The following ARID1B variants were observed in gnomAD, a reference collection of about 807,000 sequenced individuals.
ARID1B encodes AT-rich interaction domain 1B, also known as AT-rich interactive domain-containing protein 1B.
Under a neutral mutation model 212.3 loss-of-function variants are expected in ARID1B, and 30 were observed. The ratio of observed to expected loss-of-function variants is 0.14; its 90% confidence interval spans 0.11 to 0.19. The LOEUF (loss-of-function observed/expected upper bound fraction) is 0.19. ARID1B is among the 10% of genes least tolerant of loss of function. The pLI is 1.00. For synonymous variants in ARID1B, 1,402 were observed against 1,301.7 expected, an observed-to-expected ratio of 1.08 and a Z score of -1.66; for missense variants, 2,891 against 3,204.0, an observed-to-expected ratio of 0.90 and a Z score of 2.36.
At chr6:157,186,009 A>T (rs945321441) in intron 13 of ARID1B, 1 of 153,474 alleles carries the variant, frequency 6.5e-6, no homozygotes, top group Non-Finnish European at 1.5e-5. Context: ...GCCTGTGAAC[A>T]GCTCTGAAAC....
intron 6 of ARID1B, among the ~76,000 whole-genome samples, chr6:157,117,125 A>G (rs1262025349): frequency 6.6e-6 from 1 of 152,190 alleles, no homozygotes; most frequent in Non-Finnish European, 1.5e-5. Flanking sequence ...AGACAGTGCC[A>G]TTACCCAGCA....
chr6:156,925,259 G>A (rs1053598345), intron 3 of ARID1B, among the ~76,000 whole-genome samples: 3 of 152,302 alleles, frequency 2.0e-5, no homozygotes, highest in East Asian at 1.9e-4. Flanking sequence ...AATTGCAGGC[G>A]TTTTGCAGTG....
At chr6:156,897,348 A>C in intron 2 of ARID1B, among the ~76,000 whole-genome samples, 1 of 150,434 alleles carries the variant, frequency 6.6e-6, no homozygotes, top group African/African-American at 2.4e-5. Context: ...ATCTCAGCTC[A>C]CTGTAACCTC....
intron 2 of ARID1B, among the ~76,000 whole-genome samples, chr6:156,844,170 T>G (rs1784081698): frequency 6.6e-6 from 1 of 152,240 alleles, no homozygotes; most frequent in African/African-American, 2.4e-5. Context: ...CCTTTCATCT[T>G]TGTTCTGCTT....
chr6:157,160,967 G>C (rs780762744), intron 8 of ARID1B, among the ~76,000 whole-genome samples: 2 of 152,136 alleles, frequency 1.3e-5, no homozygotes, highest in Non-Finnish European at 2.9e-5. Flanking sequence ...CTTCGCACTC[G>C]CTGCCCTGGT....
intron 2 of ARID1B, among the ~76,000 whole-genome samples, chr6:156,853,056 C>T (rs1467019222): frequency 1.8e-4 from 28 of 152,104 alleles, no homozygotes; most frequent in Non-Finnish European, 1.0e-4. Flanking sequence ...ATACAGTGAT[C>T]GGTTTGACTG....
chr6:157,039,686 CTTCCTTCCTTCT>C (rs1307210293), intron 4 of ARID1B, among the ~76,000 whole-genome samples: 12 of 68,768 alleles, frequency 1.7e-4, no homozygotes, highest in Middle Eastern at 0.017. Context: ...TCCTTCCTTC[CTTCCTTCCTTCT>C]TTCTTTCCTT....
At position 156,779,059 on chromosome 6, in the gene ARID1B, G is replaced by T. The variant is rs1274183370; in HGVS notation, c.1379G>T (p.Gly460Val). ...VLSSPRQQGG[G>V]MMMGPGGGGA... ...AGCTCCCCCCGGCAGCAGGGCGGCG[G>T]CATGATGATGGGCCCCGGGGGCGGC... The change falls in exon 1 of 20, where the codon GGC (glycine) becomes GTC (valine). Residue 460 changes from glycine to valine, a missense_variant. Transcript: ENST00000636930. 6.4e-5 allele frequency: 78 copies of T among 1,224,466 alleles called. No homozygotes were observed. Among genetic ancestry groups the T allele is most frequent in the Non-Finnish European group, 7.5e-5 (74 of 986,138 alleles). The allele number at this position is 1,224,466 out of a possible 1,614,324, so 75.9% of individuals were successfully genotyped here. A position where few individuals can be genotyped will look rare whatever the true frequency, so the allele number is the denominator to read the frequency against.
intron 4 of ARID1B, among the ~76,000 whole-genome samples, chr6:157,044,387 T>C (rs1782084968): frequency 6.6e-6 from 1 of 152,234 alleles, no homozygotes; most frequent in South Asian, 2.1e-4. Flanking sequence ...ATTATGAAAG[T>C]ATCTGTATTT....
In ARID1B at chr6:157,174,998, C is replaced by A; in HGVS notation, c.3497C>A (p.Ser1166Ter). ...AGCCCAGGCTGGCCAAAGACTCCAT[C>A]AAGCCCTGTAAGTGGCTCTGGTTTT... ...ISSPGWPKTP[S>*]SPKSSSSTTT... The change falls in exon 11 of 20, where the codon TCA becomes TAA. Residue 1166 changes from serine to a stop codon, truncating the protein, a stop_gained. Transcript: ENST00000636930. LOFTEE classifies it high-confidence loss of function. 7.0e-7 allele frequency: 1 copy of A among 1,426,110 alleles called. No individual in the cohort carries two copies. Among genetic ancestry groups the A allele is most frequent in the Non-Finnish European group, 9.2e-7 (1 of 1,085,546 alleles). 88.3% of individuals were successfully genotyped at this position (1,426,110 alleles called of 1,614,324 possible).
At chr6:156,869,799 T>C (rs1785979126) in intron 2 of ARID1B, among the ~76,000 whole-genome samples, 1 of 152,210 alleles carries the variant, frequency 6.6e-6, no homozygotes, top group East Asian at 1.9e-4. Context: ...AGAGTGAGCA[T>C]TCCTGTAGGG....
intron 1 of ARID1B, among the ~76,000 whole-genome samples, chr6:156,795,704 G>A (rs1462681310): frequency 6.6e-6 from 1 of 152,034 alleles, no homozygotes; most frequent in Non-Finnish European, 1.5e-5. Context: ...CCCTCCCCAG[G>A]CTGCCCAGGC....
chr6:156,823,705 T>TTTTTTG (rs1554256001), intron 1 of ARID1B, among the ~76,000 whole-genome samples: 2 of 150,240 alleles, frequency 1.3e-5, no homozygotes, highest in African/African-American at 4.9e-5. Flanking sequence ...TTTTTTTTTT[T>TTTTTTG]GTGAAGTGTT....
At chr6:156,909,866 G>A (rs770898193) in intron 3 of ARID1B, among the ~76,000 whole-genome samples, 15 of 152,194 alleles carry the variant, frequency 9.9e-5, no homozygotes, top group African/African-American at 2.2e-4. Context: ...CCTTTTGAGC[G>A]AAGAGCCTCT....
In ARID1B at chr6:156,816,264, A is replaced by G. The variant is rs138444805; in HGVS notation, c.1792-12963A>G. Among the ~76,000 whole-genome samples, 3 of 152,364 alleles carry G rather than the reference A, an allele frequency of 2.0e-5. No homozygotes were observed. The East Asian group carries it at 5.8e-4, about 29-fold the overall frequency. On this transcript the variant is annotated intron_variant, in intron 1 of 19. Transcript: ENST00000636930. ...AAATGCCTGTTATAAGTCAGACAGC[A>G]TATCGATTTTCATAATTTTATTACT...
chr6:157,132,009 A>G (rs1443912959), intron 6 of ARID1B, among the ~76,000 whole-genome samples: 2 of 152,106 alleles, frequency 1.3e-5, no homozygotes, highest in Non-Finnish European at 1.5e-5. Flanking sequence ...AGTTTTATGC[A>G]GGGGAGAGAT....
At chr6:157,140,541 C>T (rs1789272184) in intron 7 of ARID1B, 3 of 398,292 alleles carry the variant, frequency 7.5e-6, no homozygotes, top group African/African-American at 4.1e-5. Context: ...GTTGTCCAAC[C>T]ATAGTTACTA....
At chr6:157,084,259 G>A (rs1159739900) in intron 4 of ARID1B, among the ~76,000 whole-genome samples, 1 of 151,736 alleles carries the variant, frequency 6.6e-6, no homozygotes, top group Non-Finnish European at 1.5e-5. Context: ...TGAAAAAAAG[G>A]ACTCAAAGCC....
intron 4 of ARID1B, among the ~76,000 whole-genome samples, chr6:157,025,078 T>A (rs1434073864): frequency 6.6e-6 from 1 of 152,194 alleles, no homozygotes; most frequent in African/African-American, 2.4e-5. Context: ...AACAAAGAAT[T>A]TTAGTAAATG....
Sources: allele counts gnomAD v4.1 joint callset (sites outside exome capture counted in the v4.1 genomes callset), GRCh38; gene constraint gnomAD v4.1.1; transcripts MANE v1.5; gene names NCBI Gene and HGNC (gene_info 2026-07-23, HGNC 2026-07-21).